Variants in ST18 observed in about 807,000 individuals in gnomAD.
ST18 encodes ST18 C2H2C-type zinc finger transcription factor.
In ST18, 50 loss-of-function variants were observed where a neutral mutation model predicts 110.0. That is an observed-to-expected ratio of 0.45 (90% CI 0.36 to 0.58). The LOEUF is 0.58. Among genes scored for constraint, ST18 ranks in the 20% least tolerant of loss-of-function variants. The probability of loss-of-function intolerance (pLI) is 0.00; values close to 1 mark genes in which losing one functional copy is unlikely to be tolerated. For missense variants in ST18, 1,306 were observed against 1,280.1 expected, an observed-to-expected ratio of 1.02 and a Z score of -0.31; for synonymous variants, 461 against 452.4, an observed-to-expected ratio of 1.02 and a Z score of -0.24.
At position 52,243,840 on chromosome 8, in the gene ST18, G is replaced by A. The variant is rs1209181218; in HGVS notation, c.-464-13763C>T. 2.6e-5 allele frequency among the ~76,000 whole-genome samples: 4 copies of A among 152,002 alleles called. No homozygotes were observed. The East Asian group carries it at 5.8e-4, about 22-fold the overall frequency. The stretch of plus-strand genomic sequence containing the variant: ...ACATATTTCTTGTCAATGATTTTCC[G>A]CAGGGTGATGGGGAGTGTGTGTGAA... On this transcript the variant is annotated intron_variant, in intron 2 of 25. Transcript: ENST00000689386.
At chr8:52,189,463 G>A (rs1260051951) in intron 8 of ST18, among the ~76,000 whole-genome samples, 1 of 152,220 alleles carries the variant, frequency 6.6e-6, no homozygotes, top group African/African-American at 2.4e-5. Flanking sequence ...TTCTAGGATA[G>A]ATACCTTCCA....
At position 52,142,964 on chromosome 8, in the gene ST18, G is replaced by A. The variant is rs199930163; in HGVS notation, c.2134C>T (p.Leu712Phe). 2.5e-6 allele frequency: 4 copies of A among 1,614,046 alleles called. No homozygotes were observed. The highest frequency in any genetic ancestry group is 2.5e-6 in the Non-Finnish European group (3 of 1,179,948). ...EASIPSPKPK[L>F]HARDLKKELI... is the part of the protein sequence containing the mutation. ...TCCTTTTTGAGATCTCTTGCATGAA[G>A]CTTGGGTTTAGGGCTTGGTATAGAG... is the stretch of plus-strand genomic sequence containing the variant. The change falls in exon 17 of 26, where the codon CTT (leucine) becomes TTT (phenylalanine). Residue 712 changes from leucine to phenylalanine, a missense_variant. Physicochemically the swap from Leu to Phe is conservative, Grantham distance 22. Coordinates refer to ENST00000689386, the MANE Select transcript of ST18 (RefSeq NM_001352837.2).
At chr8:52,289,441 G>A (rs924745791) in intron 2 of ST18, among the ~76,000 whole-genome samples, 12 of 152,102 alleles carry the variant, frequency 7.9e-5, no homozygotes, top group Non-Finnish European at 1.8e-4. Flanking sequence ...GGACAGATCA[G>A]GACTCTGTCT....
intron 2 of ST18, among the ~76,000 whole-genome samples, chr8:52,280,982 C>T (rs1407566842): frequency 6.6e-6 from 1 of 151,836 alleles, no homozygotes; most frequent in Admixed American, 6.6e-5. Context: ...TCACAGAGAC[C>T]ATGTTAGGTA....
At chr8:52,230,817 AACTTCACC>A (rs869235067) in intron 2 of ST18, among the ~76,000 whole-genome samples, 10 of 196 alleles carry the variant, frequency 0.051, no homozygotes, top group East Asian at 0.5. Flanking sequence ...GAAAGAGGCG[AACTTCACC>A]AACTTCACCA....
intron 10 of ST18, 32 bp from the exon 11 acceptor site, chr8:52,167,018 G>T: frequency 1.3e-6 from 2 of 1,580,900 alleles, no homozygotes; most frequent in South Asian, 1.1e-5. Flanking sequence ...AAATGCATTT[G>T]GTTATTCTTG....
intron 2 of ST18, among the ~76,000 whole-genome samples, chr8:52,359,815 A>G (rs1824882534): frequency 6.6e-6 from 1 of 152,282 alleles, no homozygotes; most frequent in East Asian, 1.9e-4. Context: ...CTCTACTGAC[A>G]TACATTTTGA....
At chr8:52,394,173 A>G (rs1840301271) in intron 2 of ST18, among the ~76,000 whole-genome samples, 1 of 152,200 alleles carries the variant, frequency 6.6e-6, no homozygotes, top group South Asian at 2.1e-4. Context: ...CTCCAGATGC[A>G]GAGGAGCCAT....
At position 52,194,132 on chromosome 8, in the gene ST18, C is replaced by T. The variant is rs565510692; in HGVS notation, c.87-13820G>A. ...TATAAATAATAAATTAATTGCATATCGTCTACCACAGAATTTTTTTCATAA... is the reference window on the plus strand; with the variant it reads ...TATAAATAATAAATTAATTGCATATTGTCTACCACAGAATTTTTTTCATAA... On this transcript the variant is annotated intron_variant, in intron 8 of 25. Coordinates refer to ENST00000689386, the MANE Select transcript of ST18 (RefSeq NM_001352837.2). Among the ~76,000 whole-genome samples the T allele has an allele frequency of 2.9e-4, 44 of 152,044 alleles. No homozygotes were observed. In the South Asian group the frequency reaches 3.3e-3, roughly 11 times the overall value.
At chr8:52,198,497 T>C (rs1295174569) in intron 8 of ST18, among the ~76,000 whole-genome samples, 1 of 152,204 alleles carries the variant, frequency 6.6e-6, no homozygotes, top group African/African-American at 2.4e-5. Context: ...CTTCCGTTTA[T>C]CCATCTCCAC....
At chr8:52,243,654 T>TATTATGA (rs2093620131) in intron 2 of ST18, among the ~76,000 whole-genome samples, 1 of 152,196 alleles carries the variant, frequency 6.6e-6, no homozygotes, top group African/African-American at 2.4e-5. Context: ...AATTATATAA[T>TATTATGA]GCATGTAAAG....
chr8:52,401,855 C>CT (rs1842891137), intron 2 of ST18, among the ~76,000 whole-genome samples: 1 of 152,036 alleles, frequency 6.6e-6, no homozygotes, highest in South Asian at 2.1e-4. Context: ...TGTTTCCTTG[C>CT]TTTTTCATAT....
chr8:52,285,922 C>T (rs2095465200), intron 2 of ST18, among the ~76,000 whole-genome samples: 1 of 152,194 alleles, frequency 6.6e-6, no homozygotes, highest in Non-Finnish European at 1.5e-5. Flanking sequence ...ACACACTTCA[C>T]CCTAAACCAT....
At chr8:52,331,968 T>C (rs966332999) in intron 2 of ST18, among the ~76,000 whole-genome samples, 2 of 152,176 alleles carry the variant, frequency 1.3e-5, no homozygotes, top group African/African-American at 2.4e-5. Context: ...AGCAATTTTG[T>C]CAAATAATTC....
At chr8:52,119,099 G>A (rs1341632448) in intron 23 of ST18, among the ~76,000 whole-genome samples, 1 of 152,164 alleles carries the variant, frequency 6.6e-6, no homozygotes, top group Non-Finnish European at 1.5e-5. Context: ...CAGCTTGGGA[G>A]TTTGACTCCT....
chr8:52,274,883 GAA>G (rs2095189642), intron 2 of ST18, among the ~76,000 whole-genome samples: 1 of 152,072 alleles, frequency 6.6e-6, no homozygotes, highest in Non-Finnish European at 1.5e-5. Context: ...GTTTATTTAT[GAA>G]AGAGTGTCAT....
chr8:52,286,640 C>T (rs535138678), intron 2 of ST18, among the ~76,000 whole-genome samples: 1 of 152,034 alleles, frequency 6.6e-6, no homozygotes, highest in African/African-American at 2.4e-5. Context: ...GGGTCACCTC[C>T]ATTTTGTACT....
intron 16 of ST18, among the ~76,000 whole-genome samples, chr8:52,148,771 T>C (rs2058060442): frequency 6.6e-6 from 1 of 152,016 alleles, no homozygotes; most frequent in Non-Finnish European, 1.5e-5. Context: ...CCCAATCTTG[T>C]GATCAAAACT....
chr8:52,270,657 T>C (rs1425062241), intron 2 of ST18, among the ~76,000 whole-genome samples: 1 of 152,122 alleles, frequency 6.6e-6, no homozygotes, highest in African/African-American at 2.4e-5. Context: ...TTGTACACCC[T>C]GAATATACGC....
Sources: allele counts gnomAD v4.1 joint callset (sites outside exome capture counted in the v4.1 genomes callset), GRCh38; gene constraint gnomAD v4.1.1; transcripts MANE v1.5; gene names NCBI Gene and HGNC (gene_info 2026-07-23, HGNC 2026-07-21).